SP1: variants seen among roughly 807,000 people sequenced by gnomAD.
The protein encoded by SP1 is Sp1 transcription factor.
In SP1, 6 loss-of-function variants were observed where a neutral mutation model predicts 66.3. That is an observed-to-expected ratio of 0.09 (90% CI 0.05 to 0.18). SP1 has a LOEUF of 0.18. Ranked by LOEUF, SP1 falls within the 10% of genes least tolerant of loss-of-function variation. The probability of loss-of-function intolerance (pLI) is 1.00; values close to 1 mark genes in which losing one functional copy is unlikely to be tolerated. For missense variants in SP1, 848 were observed against 964.5 expected, an observed-to-expected ratio of 0.88 and a Z score of 1.60; for synonymous variants, 417 against 360.8, an observed-to-expected ratio of 1.16 and a Z score of -1.77.
At chr12:53,386,856 A>G (rs991301373) in intron 3 of SP1, among the ~76,000 whole-genome samples, 1 of 151,926 alleles carries the variant, frequency 6.6e-6, no homozygotes, top group Non-Finnish European at 1.5e-5. Flanking sequence ...AAGGATACAC[A>G]TACATCTTTA....
Position 53,381,869 on chromosome 12 carries a change from T to C in SP1, c.162+56T>C, listed in dbSNP as rs1031513220. 2.6e-6 allele frequency: 4 copies of C among 1,557,922 alleles called. No individual in the cohort carries two copies. In the African/African-American group the frequency reaches 5.5e-5, roughly 21 times the overall value. Reference sequence around the variant, plus strand: ...TTGAGAAGATGTAAATATTCTTAGATAATTGCCTTACTCTTCACAGAAAGC... The same window carrying C: ...TTGAGAAGATGTAAATATTCTTAGACAATTGCCTTACTCTTCACAGAAAGC... On this transcript the variant is annotated intron_variant, in intron 2 of 5. Coordinates refer to ENST00000327443, the MANE Select transcript of SP1 (RefSeq NM_138473.3).
intron 1 of SP1, chr12:53,381,384 G>A (rs1457874880): frequency 1.1e-5 from 3 of 268,378 alleles, no homozygotes; most frequent in African/African-American, 4.4e-5. Flanking sequence ...CATGCCTACC[G>A]TCCTTCACAT....
chr12:53,409,428 T>C lies in SP1; in HGVS notation c.1911T>C (p.Tyr637=), dbSNP rs770258895. 6.2e-7 allele frequency: 1 copy of C among 1,614,034 alleles called. No homozygotes were observed. The highest frequency in any genetic ancestry group is 2.2e-5 in the East Asian group (1 of 44,870). The stretch of plus-strand genomic sequence containing the variant: ...ACATCCAAGGCTGTGGGAAAGTGTA[T>C]GGCAAGACCTCTCACCTGCGGGCAC... The part of the protein sequence containing the change: ...ICHIQGCGKV[Y]GKTSHLRAHL... Residue 637 remains tyrosine, a synonymous_variant, in exon 5 of 6, where the codon TAT becomes TAC. Coordinates refer to ENST00000327443, the MANE Select transcript of SP1 (RefSeq NM_138473.3).
chr12:53,390,298 G>C (rs1034829334), intron 3 of SP1, among the ~76,000 whole-genome samples: 1 of 152,110 alleles, frequency 6.6e-6, no homozygotes, highest in Non-Finnish European at 1.5e-5. Flanking sequence ...AGAGATATCA[G>C]CACAGAAAGA....
chr12:53,390,409 G>A lies in SP1; in HGVS notation c.1675+6787G>A, dbSNP rs546541689. Among the ~76,000 whole-genome samples the A allele has an allele frequency of 2.5e-3, 375 of 152,290 alleles. 1 individual carries two copies. The highest frequency in any genetic ancestry group is 7.3e-3 in the African/African-American group (305 of 41,570). On this transcript the variant is annotated intron_variant, in intron 3 of 5. Coordinates refer to ENST00000327443, the MANE Select transcript of SP1 (RefSeq NM_138473.3). ...TCTAAGTGCTTTGAGGGGGCTGGGT[G>A]CAGTGGCTCATGCCTGTAATCCCAG... is the stretch of plus-strand genomic sequence containing the variant.
intron 3 of SP1, among the ~76,000 whole-genome samples, chr12:53,404,523 C>G (rs1325161750): frequency 7.4e-6 from 1 of 135,416 alleles, no homozygotes; most frequent in South Asian, 2.3e-4. Flanking sequence ...GCCTGGGCAA[C>G]AAGAGTGTAA....
intron 3 of SP1, among the ~76,000 whole-genome samples, chr12:53,394,167 A>G (rs947067657): frequency 6.6e-6 from 1 of 151,864 alleles, no homozygotes; most frequent in Non-Finnish European, 1.5e-5. Context: ...GTGAGCCAAG[A>G]TTGAACCATT....
intron 3 of SP1, among the ~76,000 whole-genome samples, chr12:53,386,216 C>T (rs554236030): frequency 1.3e-5 from 2 of 152,094 alleles, no homozygotes; most frequent in South Asian, 4.1e-4. Context: ...AGCAGTCTAA[C>T]TTCCTAGACT....
chr12:53,405,442 G>A (rs1426954461), intron 3 of SP1, among the ~76,000 whole-genome samples: 1 of 152,128 alleles, frequency 6.6e-6, no homozygotes, highest in Non-Finnish European at 1.5e-5. Flanking sequence ...GCCGAGGCGG[G>A]TGGATCACCT....
At chr12:53,389,278 A>G (rs1384989883) in intron 3 of SP1, among the ~76,000 whole-genome samples, 4 of 144,520 alleles carry the variant, frequency 2.8e-5, no homozygotes, top group Non-Finnish European at 6.0e-5. Context: ...GTGGAGTCCA[A>G]TGGTGTGGTC....
intron 3 of SP1, among the ~76,000 whole-genome samples, chr12:53,393,592 CT>C (rs35813851): frequency 0.19 from 24,588 of 130,194 alleles, 2,014 homozygotes; most frequent in African/African-American, 0.22. Flanking sequence ...CTGCATTTTC[CT>C]TTTTTTTTTT....
At chr12:53,394,877 G>A (rs1938448295) in intron 3 of SP1, among the ~76,000 whole-genome samples, 1 of 151,728 alleles carries the variant, frequency 6.6e-6, no homozygotes, top group Admixed American at 6.6e-5. Flanking sequence ...GCCTCCCAAA[G>A]TGCCAGGATT....
Position 53,382,124 on chromosome 12 carries a change from C to A in SP1, c.177C>A (p.Ser59=). 6.2e-7 allele frequency: 1 copy of A among 1,613,932 alleles called. No individual in the cohort carries two copies. Among genetic ancestry groups the A allele is most frequent in the South Asian group, 1.1e-5 (1 of 91,072 alleles). Residue 59 remains serine, a synonymous_variant, in exon 3 of 6, where the codon TCC becomes TCA. Transcript: ENST00000327443. The stretch of plus-strand genomic sequence containing the variant: ...TTTTCGGCCAGGAGTCCCAGCCATC[C>A]CCTTTGGCTCTGCTGGCAGCAACTT... ...TGGGGQESQP[S]PLALLAATCS... is the part of the protein sequence containing the mutation.
intron 3 of SP1, among the ~76,000 whole-genome samples, chr12:53,395,595 C>T (rs188064339): frequency 1.7e-3 from 257 of 152,232 alleles, no homozygotes; most frequent in African/African-American, 6.0e-3. Flanking sequence ...GTACTTCCTT[C>T]ATAGACAGAT....
chr12:53,400,200 T>C (rs1938580105), intron 3 of SP1, among the ~76,000 whole-genome samples: 1 of 152,234 alleles, frequency 6.6e-6, no homozygotes, highest in Non-Finnish European at 1.5e-5. Flanking sequence ...CCCCAAGCAA[T>C]GTATGTACTT....
In SP1 at chr12:53,386,195, T is replaced by C. The variant is rs577907717; in HGVS notation, c.1675+2573T>C. Among the ~76,000 whole-genome samples, 95 of 152,232 alleles carry C rather than the reference T, an allele frequency of 6.2e-4. 2 individuals are homozygous for C. In the South Asian group the frequency reaches 0.01, roughly 17 times the overall value. ...ATATGAGCATCCTAGGTGATTCTGA[T>C]ACTTCTAGGTAGCAGTCTAACTTCC... On this transcript the variant is annotated intron_variant, in intron 3 of 5. Coordinates refer to ENST00000327443, the MANE Select transcript of SP1 (RefSeq NM_138473.3).
At chr12:53,408,986 G>A (rs749987903) in intron 4 of SP1, among the ~76,000 whole-genome samples, 65 of 151,976 alleles carry the variant, frequency 4.3e-4, no homozygotes, top group Admixed American at 9.2e-4. Flanking sequence ...TTTGGGAGGC[G>A]GAGGTGGGCA....
chr12:53,396,377 G>A (rs1938489785), intron 3 of SP1, among the ~76,000 whole-genome samples: 5 of 151,770 alleles, frequency 3.3e-5, no homozygotes, highest in Admixed American at 3.3e-4. Context: ...AGAGCATCCT[G>A]GCCAACGTGG....
At chr12:53,389,689 C>CTTTAT (rs927697717) in intron 3 of SP1, among the ~76,000 whole-genome samples, 21 of 151,818 alleles carry the variant, frequency 1.4e-4, no homozygotes, top group Non-Finnish European at 5.9e-5. Flanking sequence ...TTTCCCAGAT[C>CTTTAT]TTTATTTTAT....
Sources: allele counts gnomAD v4.1 joint callset (sites outside exome capture counted in the v4.1 genomes callset), GRCh38; gene constraint gnomAD v4.1.1; transcripts MANE v1.5; gene names NCBI Gene and HGNC (gene_info 2026-07-23, HGNC 2026-07-21).